DCTN1: variants seen among roughly 807,000 people sequenced by gnomAD.
DCTN1 encodes 150 kDa dynein-associated polypeptide.
A neutral mutation model predicts 161.2 loss-of-function variants in DCTN1; 61 were observed. The observed-to-expected ratio is 0.38, with a 90% confidence interval of 0.31 to 0.47. The LOEUF is 0.47. DCTN1 is among the 20% of genes least tolerant of loss of function. The pLI is 0.99. For synonymous variants in DCTN1, 653 were observed against 632.4 expected (o/e 1.03, Z -0.49); for missense variants, 1,404 against 1,623.7 (o/e 0.86, Z 2.33).
rs1391864704 is a variant in DCTN1 at position 74,370,596 on chromosome 2, C to A, written c.1048+25G>T. ...GCATGGTTCTCACCTGACCGTTTGGCCCCCAGCAGCTGTGGGCCCCTTACC... is the reference window on the plus strand; with the variant it reads ...GCATGGTTCTCACCTGACCGTTTGGACCCCAGCAGCTGTGGGCCCCTTACC... On this transcript the variant is annotated intron_variant, in intron 10 of 31. Transcript: ENST00000628224. The surrounding 1 kb of genome is among the most constrained non-coding windows in gnomAD (Gnocchi z 4.4). 9 of 1,614,022 alleles carry A rather than the reference C, an allele frequency of 5.6e-6. No individual in the cohort carries two copies. The highest frequency in any genetic ancestry group is 7.6e-6 in the Non-Finnish European group (9 of 1,180,016).
chr2:74,377,896 A>G, intron 2 of DCTN1, 104 bp downstream of exon 2: 1 of 1,546,402 alleles, frequency 6.5e-7, no homozygotes, highest in South Asian at 1.1e-5. Flanking sequence ...TCTCCCAACC[A>G]GAGGCTTATG....
chr2:74,368,290 G>C (rs1674574567), intron 16 of DCTN1, 159 bp from the exon 17 acceptor site: 9 of 960,054 alleles, frequency 9.4e-6, no homozygotes, highest in Middle Eastern at 3.2e-4. Flanking sequence ...CTTGCATGGG[G>C]AAAGGGTAGT....
chr2:74,363,335 G>A lies in DCTN1; in HGVS notation c.3304C>T (p.Leu1102=), dbSNP rs1407992033. The change falls in exon 28 of 32, where the codon CTG becomes TTG. Residue 1102 remains leucine (L), a synonymous_variant. Transcript: ENST00000628224. ...TCATGCTGGAGCTGGGAGATGTGCA[G>A]CCTCATGGCAGAGATCTGCTGAAGC... is the stretch of plus-strand genomic sequence containing the variant. The part of the protein sequence containing the change: ...LLLQQISAMR[L]HISQLQHENS... The A allele has an allele frequency of 6.2e-7, 1 of 1,613,474 alleles. No individual in the cohort carries two copies. Among genetic ancestry groups the A allele is most frequent in the Non-Finnish European group, 8.5e-7 (1 of 1,179,738 alleles).
chr2:74,369,171 T>G lies in DCTN1; in HGVS notation c.1628A>C (p.Glu543Ala), dbSNP rs1242719122. ...ELTNQQEASV[E>A]RQQQPPPETF... ...CTCTGGAGGTGGCTGCTGTTGCCTC[T>G]CCACAGATGCTTCCTGCTGGTTTGT... Residue 543 changes from glutamate (E) to alanine (A), a missense_variant, in exon 15 of 32, where the codon GAG (glutamate) becomes GCG (alanine). Physicochemically the swap from Glu to Ala is moderately radical, Grantham distance 107. Transcript: ENST00000628224. The surrounding 1 kb of genome is among the most constrained non-coding windows in gnomAD (Gnocchi z 4.9). The G allele has an allele frequency of 1.2e-6, 2 of 1,614,264 alleles. No homozygotes were observed. Among genetic ancestry groups the G allele is most frequent in the South Asian group, 2.2e-5 (2 of 91,090 alleles).
chr2:74,367,929 C>G (rs781260248), intron 17 of DCTN1, 42 bp downstream of exon 17: 1 of 1,614,100 alleles, frequency 6.2e-7, no homozygotes, highest in Non-Finnish European at 8.5e-7. Flanking sequence ...CTGGCCAATC[C>G]TGGACCCCCA....
chr2:74,391,844 G>A (rs1676023304), exon 1 of DCTN1: 3 of 453,776 alleles, frequency 6.6e-6, no homozygotes, highest in Admixed American at 2.3e-5. Flanking sequence ...GACGACCGAC[G>A]CCCAAGACCC....
rs372930172 is a variant in DCTN1, at chr2:74,362,040, G to A, written c.3699+12C>T. 2.5e-5 allele frequency: 40 copies of A among 1,612,670 alleles called. No individual in the cohort carries two copies. Among genetic ancestry groups the A allele is most frequent in the East Asian group, 2.0e-4 (9 of 44,830 alleles). ...CACACTGTCCCATCCTCCACCCCATGCTCCCCCTCACCCTGAGGAAGGCTG... is the reference window on the plus strand; with the variant it reads ...CACACTGTCCCATCCTCCACCCCATACTCCCCCTCACCCTGAGGAAGGCTG... On this transcript the variant is annotated intron_variant, in intron 31 of 31. Coordinates refer to ENST00000628224, the MANE Select transcript of DCTN1 (RefSeq NM_004082.5).
At position 74,369,547 on chromosome 2, in the gene DCTN1, T is replaced by C. The variant is rs541079074; in HGVS notation, c.1393-56A>G. ...GAAAGGCAGGGTCGGCCAGCGGCGG[T>C]GGTTCACACCTGTAATCCCAGCACT... is the stretch of plus-strand genomic sequence containing the variant. On this transcript the variant is annotated intron_variant, in intron 13 of 31. Coordinates refer to ENST00000628224, the MANE Select transcript of DCTN1 (RefSeq NM_004082.5). This position sits in a 1 kb window ranked among gnomAD's most constrained non-coding sequence, Gnocchi z 4.9. 2.0e-5 allele frequency: 31 copies of C among 1,571,922 alleles called. No individual in the cohort carries two copies. The highest frequency in any genetic ancestry group is 2.7e-5 in the African/African-American group (2 of 74,466).
chr2:74,377,224 G>A (rs183537011), intron 4 of DCTN1, among the ~76,000 whole-genome samples: 39 of 152,226 alleles, frequency 2.6e-4, no homozygotes, highest in African/African-American at 7.5e-4. Context: ...TGAACTTCTG[G>A]AGCCTATGAG....
Position 74,369,818 on chromosome 2 carries a change from A to AAG in DCTN1, c.1392+146_1392+147insCT. 2.3e-6 allele frequency: 1 copy of AAG among 428,976 alleles called. No homozygotes were observed. Among genetic ancestry groups the AAG allele is most frequent in the Non-Finnish European group, 3.8e-6 (1 of 263,006 alleles). The allele number at this position is 428,976 out of a possible 1,614,324, so 26.6% of individuals were successfully genotyped here. ...CAACAGAGCGAGATTCCATCTCAGA[A>AAG]AAAAAAAAAAAAAAAAAAGGCAGGG... On this transcript the variant is annotated intron_variant, in intron 13 of 31. Transcript: ENST00000628224. This position sits in a 1 kb window ranked among gnomAD's most constrained non-coding sequence, Gnocchi z 4.9.
intron 7 of DCTN1, among the ~76,000 whole-genome samples, chr2:74,372,639 T>C (rs1345576009): frequency 6.6e-6 from 1 of 152,230 alleles, no homozygotes; most frequent in Non-Finnish European, 1.5e-5. Context: ...CCATCAAAAC[T>C]GGTCAAAATT....
rs754514159 is a variant in DCTN1, at chr2:74,370,506, G to T, written c.1087C>A (p.Leu363Ile). 1 of 1,614,178 alleles carries T rather than the reference G, an allele frequency of 6.2e-7. No individual in the cohort carries two copies. The highest frequency in any genetic ancestry group is 8.5e-7 in the Non-Finnish European group (1 of 1,180,046). The part of the protein sequence containing the change: ...GAASSYQLKQ[L>I]EEQNARLKDA... The stretch of plus-strand genomic sequence containing the variant: ...TTCAGGCGGGCATTCTGCTCCTCAA[G>T]CTGCTTGAGCTGATAACTGGATGCA... The change falls in exon 11 of 32, where the codon CTT (leucine) becomes ATT (isoleucine). Residue 363 changes from leucine (L) to isoleucine (I), a missense_variant. Transcript: ENST00000628224. This position sits in a 1 kb window ranked among gnomAD's most constrained non-coding sequence, Gnocchi z 4.4.
At chr2:74,364,497 T>G in intron 26 of DCTN1, 1 of 170,864 alleles carries the variant, frequency 5.9e-6, no homozygotes, top group Non-Finnish European at 1.3e-5. Flanking sequence ...CTGAGTCAGG[T>G]AACTGGGGAG....
intron 5 of DCTN1, among the ~76,000 whole-genome samples, chr2:74,376,313 T>TTCCC (rs1312535204): frequency 6.6e-6 from 1 of 152,130 alleles, no homozygotes; most frequent in East Asian, 1.9e-4. Flanking sequence ...CTAGGCTCTG[T>TTCCC]TCCCTGACCT....
chr2:74,390,769 C>T (rs561538117), intron 1 of DCTN1: 2 of 279,330 alleles, frequency 7.2e-6, no homozygotes, highest in East Asian at 8.3e-5. Flanking sequence ...TGTACTGTAA[C>T]GAGATCGCAT....
chr2:74,386,231 G>A (rs1334099037), intron 1 of DCTN1, among the ~76,000 whole-genome samples: 7 of 152,160 alleles, frequency 4.6e-5, no homozygotes, highest in Non-Finnish European at 5.9e-5. Flanking sequence ...TTCAGAAACC[G>A]GGAGTTGGGA....
In DCTN1 at chr2:74,362,736, G is replaced by T. The variant is rs762772376; in HGVS notation, c.3530-7C>A. The T allele has an allele frequency of 6.2e-7, 1 of 1,613,754 alleles. No homozygotes were observed. The highest frequency in any genetic ancestry group is 1.1e-5 in the South Asian group (1 of 90,998). On this transcript the variant is annotated splice_polypyrimidine_tract_variant and splice_region_variant and intron_variant, in intron 29 of 31. Coordinates refer to ENST00000628224, the MANE Select transcript of DCTN1 (RefSeq NM_004082.5). ...GCCGACGGGCTCTTGGCAGCTGTGGGGAGAGAAAGCTGGTGAGGCCCACCA... is the reference window on the plus strand; with the variant it reads ...GCCGACGGGCTCTTGGCAGCTGTGGTGAGAGAAAGCTGGTGAGGCCCACCA...
chr2:74,366,717 C>G, intron 21 of DCTN1, 66 bp downstream of exon 21: 2 of 1,614,224 alleles, frequency 1.2e-6, no homozygotes, highest in South Asian at 2.2e-5. Flanking sequence ...AGATCCAGAT[C>G]TTCAAGTGCT....
intron 20 of DCTN1, 35 bp downstream of exon 20, chr2:74,367,010 A>T: frequency 6.2e-7 from 1 of 1,614,214 alleles, no homozygotes; most frequent in Non-Finnish European, 8.5e-7. Context: ...ACTAAGAAAG[A>T]AGAGGAGCTC....
Sources: gnomAD v4.1 joint callset for allele counts (sites outside exome capture counted in the v4.1 genomes callset) on GRCh38, gnomAD v4.1.1 for gene constraint, Gnocchi (gnomAD v3.1) non-coding constraint, MANE v1.5 for transcripts, NCBI Gene and HGNC (gene_info 2026-07-23, HGNC 2026-07-21) for gene names.